The following FYB1 variants were observed in gnomAD, a reference collection of about 807,000 sequenced individuals.
FYB1 encodes FYN-binding protein 1.
Under a neutral mutation model 94.1 loss-of-function variants are expected in FYB1, and 41 were observed. That is an observed-to-expected ratio of 0.44 (90% CI 0.34 to 0.57). FYB1 has a LOEUF of 0.57. Ranked by LOEUF, FYB1 falls within the 20% of genes least tolerant of loss-of-function variation. FYB1 has a pLI of 0.02. For synonymous variants in FYB1, 367 were observed against 353.2 expected (o/e 1.04, Z -0.44); for missense variants, 1,050 against 976.8 (o/e 1.07, Z -1.00).
At chr5:39,115,977 C>A (rs1446264222) in intron 16 of FYB1, among the ~76,000 whole-genome samples, 1 of 152,158 alleles carries the variant, frequency 6.6e-6, no homozygotes, top group Non-Finnish European at 1.5e-5. Flanking sequence ...TGCTGAATAT[C>A]CTGAATTACT....
chr5:39,258,415 C>T (rs1349510530), intron 1 of FYB1, among the ~76,000 whole-genome samples: 1 of 152,100 alleles, frequency 6.6e-6, no homozygotes, highest in African/African-American at 2.4e-5. Flanking sequence ...GCCTGGCCAA[C>T]ATGGTGAAAC....
chr5:39,188,678 C>A lies in FYB1; in HGVS notation c.1135+13148G>T, dbSNP rs550826026. 2.6e-5 allele frequency among the ~76,000 whole-genome samples: 4 copies of A among 151,930 alleles called. No homozygotes were observed. The East Asian group carries it at 7.8e-4, about 29-fold the overall frequency. On this transcript the variant is annotated intron_variant, in intron 2 of 18. Coordinates refer to ENST00000512982, the MANE Select transcript of FYB1 (RefSeq NM_001465.6). ...TCCCAAGTAGCTGGGGTTACAGGCG[C>A]CTGCCACCACGCCCGGCTAATTTTT...
chr5:39,158,036 C>CA (rs146519613), intron 2 of FYB1, among the ~76,000 whole-genome samples: 5,663 of 151,522 alleles, frequency 0.037, 341 homozygotes, highest in African/African-American at 0.13. Flanking sequence ...TGACTAATGA[C>CA]AAAAAAAATT....
chr5:39,108,525 G>A (rs557911745), intron 17 of FYB1, among the ~76,000 whole-genome samples: 47 of 152,058 alleles, frequency 3.1e-4, no homozygotes, highest in African/African-American at 1.1e-3. Context: ...ATCTTTATAA[G>A]ACATGTTTGT....
At chr5:39,246,370 A>G (rs1751478406) in intron 1 of FYB1, among the ~76,000 whole-genome samples, 1 of 152,220 alleles carries the variant, frequency 6.6e-6, no homozygotes. Context: ...TATATTATAT[A>G]ATGAATATAA....
intron 1 of FYB1, among the ~76,000 whole-genome samples, 179 bp downstream of exon 1, chr5:39,219,264 T>C (rs1376045579): frequency 6.6e-6 from 1 of 152,206 alleles, no homozygotes; most frequent in Non-Finnish European, 1.5e-5. Context: ...TTGGCTACCA[T>C]GAGGCTGAGT....
chr5:39,129,693 C>A (rs940568606), intron 10 of FYB1, among the ~76,000 whole-genome samples: 1 of 151,890 alleles, frequency 6.6e-6, no homozygotes, highest in African/African-American at 2.4e-5. Context: ...AAATGGCCAA[C>A]AGGCATATGA....
chr5:39,220,288 G>A (rs1380021368), upstream of FYB1, among the ~76,000 whole-genome samples: 1 of 151,896 alleles, frequency 6.6e-6, no homozygotes, highest in Non-Finnish European at 1.5e-5. Context: ...GTGCATGCCT[G>A]TAGCCCCAGA....
chr5:39,134,768 G>A (rs1279552208), intron 8 of FYB1, 87 bp downstream of exon 8: 26 of 1,388,382 alleles, frequency 1.9e-5, no homozygotes, highest in Non-Finnish European at 2.3e-5. Context: ...CTAACTCGAT[G>A]CCTATGACGA....
chr5:39,157,811 G>A (rs995631739), intron 2 of FYB1, among the ~76,000 whole-genome samples: 2 of 152,182 alleles, frequency 1.3e-5, no homozygotes, highest in Admixed American at 1.3e-4. Flanking sequence ...GGATTGTGCA[G>A]GGGTATGGAT....
At chr5:39,178,658 T>G (rs1052277596) in intron 2 of FYB1, among the ~76,000 whole-genome samples, 3 of 152,134 alleles carry the variant, frequency 2.0e-5, no homozygotes, top group African/African-American at 7.2e-5. Flanking sequence ...ATGGGCAACA[T>G]TGAGGTTTTT....
Position 39,120,533 on chromosome 5 carries a change from T to C in FYB1, c.2139-899A>G, listed in dbSNP as rs563813884. Among the ~76,000 whole-genome samples, 6 of 152,230 alleles carry C rather than the reference T, an allele frequency of 3.9e-5. No homozygotes were observed. In the East Asian group the frequency reaches 5.8e-4, roughly 15 times the overall value. On this transcript the variant is annotated intron_variant, in intron 14 of 18. Transcript: ENST00000512982. ...TGGACATTCTAATTTAAATTAATTT[T>C]AAAATTTAATTTAGTCTGAGCAAGG... is the stretch of plus-strand genomic sequence containing the variant.
At chr5:39,145,712 T>A (rs1318370081) in intron 3 of FYB1, among the ~76,000 whole-genome samples, 1 of 152,152 alleles carries the variant, frequency 6.6e-6, no homozygotes, top group Non-Finnish European at 1.5e-5. Context: ...GTTCTTATGA[T>A]CAATCTTGCC....
At chr5:39,171,754 C>CT (rs1745266013) in intron 2 of FYB1, among the ~76,000 whole-genome samples, 1 of 152,336 alleles carries the variant, frequency 6.6e-6, no homozygotes, top group South Asian at 2.1e-4. Flanking sequence ...CCAGCTGACA[C>CT]TTTCAGTTAG....
At chr5:39,130,727 T>C (rs1030820918) in intron 9 of FYB1, 115 bp from the exon 10 acceptor site, 8 of 816,092 alleles carry the variant, frequency 9.8e-6, no homozygotes, top group Middle Eastern at 5.6e-4. Flanking sequence ...AGTCGAAAGT[T>C]CTTAGAATGC....
At chr5:39,219,972 G>T (rs549561978), upstream of FYB1, among the ~76,000 whole-genome samples, 18 of 152,316 alleles carry the variant, frequency 1.2e-4, no homozygotes, top group African/African-American at 4.3e-4. Context: ...AGGTCAGGAG[G>T]TAAAGTGGTG....
At chr5:39,161,954 T>C (rs1437490164) in intron 2 of FYB1, among the ~76,000 whole-genome samples, 1 of 152,246 alleles carries the variant, frequency 6.6e-6, no homozygotes, top group African/African-American at 2.4e-5. Context: ...ATACAATATG[T>C]GGTTGTTTGT....
intron 1 of FYB1, among the ~76,000 whole-genome samples, chr5:39,267,363 T>TCAC (rs1460491819): frequency 7.9e-6 from 1 of 127,082 alleles, no homozygotes; most frequent in East Asian, 2.1e-4. Flanking sequence ...ATAGCTATCA[T>TCAC]CATCATCATC....
intron 1 of FYB1, among the ~76,000 whole-genome samples, chr5:39,243,491 T>C (rs954486462): frequency 3.3e-5 from 5 of 152,098 alleles, no homozygotes; most frequent in African/African-American, 9.7e-5. Flanking sequence ...TTCTGTTCCA[T>C]TGGTCTATAT....
Sources: allele counts gnomAD v4.1 joint callset (sites outside exome capture counted in the v4.1 genomes callset), GRCh38; gene constraint gnomAD v4.1.1; transcripts MANE v1.5; gene names NCBI Gene and HGNC (gene_info 2026-07-23, HGNC 2026-07-21).